HERC5: variants seen among roughly 807,000 people sequenced by gnomAD.
HERC5 encodes E3 ISG15--protein ligase HERC5.
A neutral mutation model predicts 119.6 loss-of-function variants in HERC5; 99 were observed. The ratio of observed to expected loss-of-function variants is 0.83; its 90% CI spans 0.70 to 0.98. The LOEUF is 0.98. Among genes scored for constraint, HERC5 ranks in the 50% least tolerant of loss-of-function variants. HERC5 has a pLI of 0.00. For synonymous variants in HERC5, 478 were observed against 445.9 expected (o/e 1.07, Z -0.91); for missense variants, 1,267 against 1,241.3 (o/e 1.02, Z -0.31).
chr4:88,488,225 T>C (rs1741528871), intron 15 of HERC5, among the ~76,000 whole-genome samples: 1 of 150,464 alleles, frequency 6.6e-6, no homozygotes, highest in African/African-American at 2.4e-5. Context: ...AAGCATAGAC[T>C]TTTTTTTTCT....
rs374278831 is a variant in HERC5 at position 88,460,095 on chromosome 4, G to T, written c.390G>T (p.Arg130Ser). The T allele has an allele frequency of 7.8e-6, 12 of 1,529,518 alleles. No individual in the cohort carries two copies. The highest frequency in any genetic ancestry group is 1.7e-5 in the Admixed American group (1 of 58,910). 94.7% of individuals were successfully genotyped at this position (1,529,518 alleles called of 1,614,324 possible). Residue 130 changes from arginine (R) to serine (S), a missense_variant and splice_region_variant, in exon 3 of 23, where the codon AGG becomes AGT. Arg to Ser is a moderately radical substitution (Grantham distance 110). This residue lies in a region of HERC5 where 777 missense variants were observed against 758.0 expected (regional missense o/e 1.03). Coordinates refer to ENST00000264350, the MANE Select transcript of HERC5 (RefSeq NM_016323.4). ...EYDNYSMKHLRFESILQEKKI... is the reference protein window; with the variant it reads ...EYDNYSMKHLSFESILQEKKI... ...CACAAAGTGTATTTTCCTTCATCAG[G>T]TTTGAAAGCATTTTACAAGAAAAAA...
At chr4:88,488,566 A>G (rs914713276) in intron 15 of HERC5, among the ~76,000 whole-genome samples, 2 of 151,802 alleles carry the variant, frequency 1.3e-5, no homozygotes, top group East Asian at 1.9e-4. Flanking sequence ...TAAAATTGCC[A>G]TTTGGTTTCA....
At chr4:88,497,735 CA>C (rs1194017218) in intron 18 of HERC5, among the ~76,000 whole-genome samples, 2 of 152,078 alleles carry the variant, frequency 1.3e-5, no homozygotes. Flanking sequence ...AAGAGAGCAC[CA>C]AGGGTATGGC....
At position 88,479,436 on chromosome 4, in the gene HERC5, T is replaced by G; in HGVS notation, c.1666T>G (p.Tyr556Asp). The change falls in exon 13 of 23, where the codon TAC becomes GAC. Residue 556 changes from tyrosine (Y) to aspartate (D), a missense_variant. Physicochemically the swap from Tyr to Asp is radical, Grantham distance 160. Transcript: ENST00000264350. ...AACAGCCGTCATATGCCAGTTGGAT[T>G]ACTGGGATGAAAGTGCTGAGGAGAA... ...FKTAVICQLD[Y>D]WDESAEENGN... The G allele has an allele frequency of 2.5e-6, 4 of 1,612,674 alleles. No individual in the cohort carries two copies. Among genetic ancestry groups the G allele is most frequent in the Non-Finnish European group, 3.4e-6 (4 of 1,179,266 alleles).
chr4:88,457,225 C>T lies in HERC5; in HGVS notation c.-45C>T, dbSNP rs1003422792. 6 of 1,289,828 alleles carry T rather than the reference C, an allele frequency of 4.7e-6. No homozygotes were observed. The South Asian group carries it at 6.6e-5, about 14-fold the overall frequency. 79.9% of individuals were successfully genotyped at this position (1,289,828 alleles called of 1,614,324 possible). A position where few individuals can be genotyped will look rare whatever the true frequency, so the allele number is the denominator to read the frequency against. ...GGGCGCGCTCAGTCCCGGGACCAGG[C>T]GTTCTCTCCTCTCGCCTCTGGGCCT... On this transcript the variant is annotated 5_prime_UTR_variant, in exon 1 of 23. Transcript: ENST00000264350.
At chr4:88,490,377 G>A (rs1237142305) in intron 16 of HERC5, among the ~76,000 whole-genome samples, 7 of 152,186 alleles carry the variant, frequency 4.6e-5, no homozygotes, top group Admixed American at 4.6e-4. Context: ...ATAAGCATCA[G>A]AGGATTTGGG....
In HERC5 at chr4:88,469,498, G is replaced by A. The variant is rs568101374; in HGVS notation, c.1238+238G>A. ...AGGAATTGGCTTATGAGATTGTAGG[G>A]GCTGGCAAGTCCAAAATCTGTAGGG... On this transcript the variant is annotated intron_variant, in intron 9 of 22. Transcript: ENST00000264350. Among the ~76,000 whole-genome samples the A allele has an allele frequency of 1.1e-4, 16 of 152,252 alleles. No homozygotes were observed. In the East Asian group the frequency reaches 2.9e-3, roughly 28 times the overall value.
intron 18 of HERC5, among the ~76,000 whole-genome samples, chr4:88,497,850 C>T (rs749112031): frequency 1.6e-4 from 24 of 152,164 alleles, no homozygotes; most frequent in Non-Finnish European, 1.9e-4. Flanking sequence ...TTTCAGAGAT[C>T]ACTGGGGGCT....
At chr4:88,474,078 TGACTC>T (rs1740966333) in intron 11 of HERC5, among the ~76,000 whole-genome samples, 1 of 152,226 alleles carries the variant, frequency 6.6e-6, no homozygotes, top group Admixed American at 6.5e-5. Flanking sequence ...ACTGTAATGA[TGACTC>T]GATGAAGAAT....
rs1429936025 is a variant in HERC5, at chr4:88,468,422, G to A, written c.1134G>A (p.Glu378=). ...NQSILLWIKK[E]NSYVNLKRTI... is the part of the protein sequence containing the mutation. ...GCATTTTGCTCTGGATAAAGAAAGA[G>A]GTAAAAATAGATCTCCAGGTGTTCT... is the stretch of plus-strand genomic sequence containing the variant. The change falls in exon 8 of 23, where the codon GAG becomes GAA. Residue 378 remains glutamate, a splice_region_variant and synonymous_variant. Transcript: ENST00000264350. The A allele has an allele frequency of 6.3e-7, 1 of 1,596,362 alleles. No homozygotes were observed. Among genetic ancestry groups the A allele is most frequent in the South Asian group, 1.1e-5 (1 of 90,038 alleles).
intron 11 of HERC5, among the ~76,000 whole-genome samples, chr4:88,474,758 T>C (rs1293811542): frequency 6.6e-6 from 1 of 152,184 alleles, no homozygotes; most frequent in Non-Finnish European, 1.5e-5. Flanking sequence ...ATCACAGATT[T>C]CTCATCAGTA....
intron 15 of HERC5, among the ~76,000 whole-genome samples, chr4:88,487,669 C>T (rs963885482): frequency 2.6e-5 from 4 of 152,134 alleles, no homozygotes; most frequent in African/African-American, 9.7e-5. Flanking sequence ...ACAGATTCCT[C>T]CCTTTTCCAT....
intron 18 of HERC5, among the ~76,000 whole-genome samples, chr4:88,497,210 T>G (rs2149107693): frequency 6.6e-6 from 1 of 152,242 alleles, no homozygotes; most frequent in African/African-American, 2.4e-5. Flanking sequence ...AACTAGGTAA[T>G]TAGTAAGTAG....
chr4:88,492,602 C>T (rs1323253558), intron 16 of HERC5, among the ~76,000 whole-genome samples: 1 of 151,630 alleles, frequency 6.6e-6, no homozygotes, highest in Non-Finnish European at 1.5e-5. Context: ...AAAAATTAGC[C>T]AGGCGTGGTG....
intron 13 of HERC5, among the ~76,000 whole-genome samples, chr4:88,481,253 A>T (rs1276607467): frequency 6.6e-6 from 1 of 152,172 alleles, no homozygotes; most frequent in Non-Finnish European, 1.5e-5. Context: ...GGGTTTCGCC[A>T]TGTAGCCCAG....
At position 88,457,278 on chromosome 4, in the gene HERC5, G is replaced by A; in HGVS notation, c.9G>A (p.Arg3=). 7.4e-7 allele frequency: 1 copy of A among 1,351,606 alleles called. No homozygotes were observed. Among genetic ancestry groups the A allele is most frequent in the Non-Finnish European group, 9.5e-7 (1 of 1,057,320 alleles). 83.7% of individuals were successfully genotyped at this position (1,351,606 alleles called of 1,614,324 possible). A position where few individuals can be genotyped will look rare whatever the true frequency, so the allele number is the denominator to read the frequency against. Residue 3 remains arginine (R), a synonymous_variant, in exon 1 of 23, where the codon CGG becomes CGA. Transcript: ENST00000264350. ...GACCCCGCAAAGCGGCGATGGAGCG[G>A]AGGTCGCGGAGGAAGTCGCGGCGCA... is the stretch of plus-strand genomic sequence containing the variant. The part of the protein sequence containing the change: ME[R]RSRRKSRRNG...
At chr4:88,466,665 A>G (rs1329324734) in intron 6 of HERC5, among the ~76,000 whole-genome samples, 3 of 152,222 alleles carry the variant, frequency 2.0e-5, no homozygotes, top group South Asian at 4.1e-4. Flanking sequence ...CAGCAAATCA[A>G]TAGGAAAATC....
At chr4:88,483,638 C>T (rs900338761) in intron 13 of HERC5, among the ~76,000 whole-genome samples, 5 of 149,324 alleles carry the variant, frequency 3.3e-5, no homozygotes, top group East Asian at 2.0e-4. Flanking sequence ...AAGCTATCGT[C>T]GTGCCTCAGC....
intron 15 of HERC5, among the ~76,000 whole-genome samples, chr4:88,488,272 C>T (rs1741531629): frequency 6.7e-6 from 1 of 148,418 alleles, no homozygotes; most frequent in Admixed American, 6.7e-5. Flanking sequence ...CCCTCTGTTG[C>T]CCAGACTGGA....
Sources: allele counts gnomAD v4.1 joint callset (sites outside exome capture counted in the v4.1 genomes callset), GRCh38; gene constraint gnomAD v4.1.1; regional missense constraint gnomAD v4.1.1; transcripts MANE v1.5; gene names NCBI Gene and HGNC (gene_info 2026-07-23, HGNC 2026-07-21).